The following SENP7 variants were observed in gnomAD, a reference collection of about 807,000 sequenced individuals.
SENP7 encodes SUMO specific peptidase 7.
A neutral mutation model predicts 141.2 loss-of-function variants in SENP7; 64 were observed. The ratio of observed to expected loss-of-function variants is 0.45; its 90% CI spans 0.37 to 0.56. SENP7 has a LOEUF of 0.56. SENP7 is among the 20% of genes least tolerant of loss of function. The pLI, the probability that SENP7 is intolerant of heterozygous loss-of-function variation, is 0.00. For synonymous variants in SENP7, 382 were observed against 426.4 expected (o/e 0.90, Z 1.28); for missense variants, 1,025 against 1,212.2 (o/e 0.85, Z 2.29).
intron 6 of SENP7, among the ~76,000 whole-genome samples, chr3:101,382,218 C>T (rs1303177627): frequency 6.6e-6 from 1 of 152,050 alleles, no homozygotes; most frequent in Non-Finnish European, 1.5e-5. Context: ...ACTCTGTCAC[C>T]CATGCTGGAG....
chr3:101,506,876 G>A (rs955333888), intron 1 of SENP7, among the ~76,000 whole-genome samples: 4 of 152,076 alleles, frequency 2.6e-5, no homozygotes, highest in African/African-American at 9.7e-5. Context: ...AACACAGTGA[G>A]ACACCATCTC....
At chr3:101,329,030 A>G (rs144463880) in intron 20 of SENP7, among the ~76,000 whole-genome samples, 197 of 152,318 alleles carry the variant, frequency 1.3e-3, no homozygotes, top group African/African-American at 4.5e-3. Context: ...TTATGATGTC[A>G]GTAGAGACAC....
Position 101,498,312 on chromosome 3 carries a change from A to G in SENP7, c.90+2758T>C, listed in dbSNP as rs1160228246. Among the ~76,000 whole-genome samples the G allele has an allele frequency of 2.0e-5, 3 of 152,180 alleles. No individual in the cohort carries two copies. The East Asian group carries it at 5.8e-4, about 29-fold the overall frequency. On this transcript the variant is annotated intron_variant, in intron 2 of 23. Transcript: ENST00000394095. ...GAGGAAAAAAGTAACTTTACAATGG[A>G]GGAAACAGGCAGATCCCATCTTAAC...
At position 101,348,005 on chromosome 3, in the gene SENP7, C is replaced by T; in HGVS notation, c.1704G>A (p.Lys568=). Residue 568 remains lysine (K), a synonymous_variant, in exon 13 of 24, where the codon AAG becomes AAA. Transcript: ENST00000394095. Reference sequence around the variant, plus strand: ...CCTTACTTTTCCATAACCCAAACCGCTTTAAATGTGTGGTATCCACTAGCA... The same window carrying T: ...CCTTACTTTTCCATAACCCAAACCGTTTTAAATGTGTGGTATCCACTAGCA... ...ISLLVDTTHL[K]RFGLWKSKDD... is the part of the protein sequence containing the mutation. 1 of 1,610,078 alleles carries T rather than the reference C, an allele frequency of 6.2e-7. No individual in the cohort carries two copies.
At chr3:101,401,528 CA>C (rs60381137) in intron 5 of SENP7, among the ~76,000 whole-genome samples, 75 of 130,204 alleles carry the variant, frequency 5.8e-4, no homozygotes, top group Middle Eastern at 4.4e-3. Flanking sequence ...CACTCCATCT[CA>C]AAAAAAAAAA....
intron 6 of SENP7, among the ~76,000 whole-genome samples, chr3:101,373,835 C>T (rs150443860): frequency 4.7e-4 from 72 of 152,168 alleles, no homozygotes; most frequent in Admixed American, 2.5e-3. Context: ...TGGAAAGTCA[C>T]GTGTTTAAAG....
intron 5 of SENP7, among the ~76,000 whole-genome samples, chr3:101,406,559 T>C (rs1039594138): frequency 6.6e-6 from 1 of 150,966 alleles, no homozygotes; most frequent in Non-Finnish European, 1.5e-5. Context: ...TGTGCACATG[T>C]ACCCTAAAAC....
intron 3 of SENP7, among the ~76,000 whole-genome samples, chr3:101,473,352 C>G (rs182896552): frequency 6.6e-6 from 1 of 152,192 alleles, no homozygotes; most frequent in Admixed American, 6.6e-5. Flanking sequence ...CTCCCACCAA[C>G]ACTTTATAAC....
chr3:101,433,875 CAACA>C (rs373406612), intron 4 of SENP7, among the ~76,000 whole-genome samples: 1,823 of 151,998 alleles, frequency 0.012, 36 homozygotes, highest in African/African-American at 0.039. Flanking sequence ...GACAGAAAAT[CAACA>C]AACAAACAAA....
intron 11 of SENP7, among the ~76,000 whole-genome samples, chr3:101,355,071 T>G (rs900219165): frequency 2.0e-5 from 3 of 152,120 alleles, no homozygotes; most frequent in African/African-American, 4.8e-5. Context: ...CATAGGGTTG[T>G]TTTTTTCCTG....
chr3:101,336,271 A>G (rs2107150607), intron 17 of SENP7, among the ~76,000 whole-genome samples: 1 of 152,312 alleles, frequency 6.6e-6, no homozygotes, highest in African/African-American at 2.4e-5. Flanking sequence ...TAGTGTCCCT[A>G]TTCCTACCCT....
At chr3:101,469,309 C>T (rs532229604) in intron 3 of SENP7, among the ~76,000 whole-genome samples, 1 of 152,204 alleles carries the variant, frequency 6.6e-6, no homozygotes, top group African/African-American at 2.4e-5. Flanking sequence ...TAATGAGAGA[C>T]TTTAACACAC....
intron 23 of SENP7, 100 bp from the exon 24 acceptor site, chr3:101,326,180 A>T (rs371438482): frequency 8.5e-5 from 81 of 951,532 alleles, no homozygotes; most frequent in Admixed American, 3.6e-4. Context: ...TAACTTTTTT[A>T]AAATAACAAT....
chr3:101,463,262 T>A (rs529800126), intron 3 of SENP7, among the ~76,000 whole-genome samples: 1 of 151,046 alleles, frequency 6.6e-6, no homozygotes, highest in South Asian at 2.1e-4. Flanking sequence ...GGCAGGAGGA[T>A]CACTTGAGCC....
intron 6 of SENP7, among the ~76,000 whole-genome samples, chr3:101,398,321 G>A (rs1358225786): frequency 1.3e-5 from 2 of 152,096 alleles, no homozygotes; most frequent in Non-Finnish European, 2.9e-5. Context: ...TTAGCTGGGC[G>A]TGGTGGCACG....
chr3:101,420,367 C>CAA (rs11379581), intron 4 of SENP7, among the ~76,000 whole-genome samples: 38 of 145,118 alleles, frequency 2.6e-4, no homozygotes, highest in African/African-American at 6.1e-4. Context: ...GACTCCGTCT[C>CAA]AAAAAAAAAA....
chr3:101,418,890 T>C (rs1236597830), intron 4 of SENP7, among the ~76,000 whole-genome samples: 2 of 152,192 alleles, frequency 1.3e-5, no homozygotes, highest in African/African-American at 4.8e-5. Flanking sequence ...TAATTCATTC[T>C]ACAAGCACTT....
At chr3:101,466,350 A>G (rs550906416) in intron 3 of SENP7, among the ~76,000 whole-genome samples, 5 of 152,244 alleles carry the variant, frequency 3.3e-5, no homozygotes, top group South Asian at 2.1e-4. Flanking sequence ...CAAAGACACA[A>G]TTCTAAAAAT....
intron 4 of SENP7, among the ~76,000 whole-genome samples, chr3:101,440,597 A>ATT (rs2062629556): frequency 6.6e-6 from 1 of 150,946 alleles, no homozygotes; most frequent in Non-Finnish European, 1.5e-5. Flanking sequence ...AAAAAAAAAA[A>ATT]GAATGAGTAT....
Sources: gnomAD v4.1 joint callset for allele counts (sites outside exome capture counted in the v4.1 genomes callset) on GRCh38, gnomAD v4.1.1 for gene constraint, MANE v1.5 for transcripts, NCBI Gene and HGNC (gene_info 2026-07-23, HGNC 2026-07-21) for gene names.